Variants in B4GALT1 observed in about 807,000 individuals in gnomAD.
The protein encoded by B4GALT1 is beta-1,4-galactosyltransferase 1.
A neutral mutation model predicts 34.9 loss-of-function variants in B4GALT1; 16 were observed. The ratio of observed to expected loss-of-function variants is 0.46; its 90% CI spans 0.31 to 0.70. The LOEUF is 0.70. B4GALT1 is among the 30% of genes least tolerant of loss of function. The pLI is 0.05. For synonymous variants in B4GALT1, 221 were observed against 218.1 expected, an observed-to-expected ratio of 1.01 and a Z score of -0.12; for missense variants, 445 against 530.5, an observed-to-expected ratio of 0.84 and a Z score of 1.58.
At chr9:33,127,853 G>C (rs948911244) in intron 2 of B4GALT1, among the ~76,000 whole-genome samples, 1 of 152,250 alleles carries the variant, frequency 6.6e-6, no homozygotes, top group Non-Finnish European at 1.5e-5. Context: ...TAAACTCTCA[G>C]ACCCTGTATG....
chr9:33,163,323 G>A (rs1018340487), intron 1 of B4GALT1, among the ~76,000 whole-genome samples: 11 of 152,198 alleles, frequency 7.2e-5, no homozygotes, highest in Admixed American at 5.2e-4. Flanking sequence ...AGTGCTCCTC[G>A]GGTGCCCTGG....
At chr9:33,150,434 T>C (rs1042807179) in intron 1 of B4GALT1, among the ~76,000 whole-genome samples, 106 of 150,074 alleles carry the variant, frequency 7.1e-4, no homozygotes, top group African/African-American at 2.5e-3. Context: ...CAGAACTGGA[T>C]GAAAAACATA....
chr9:33,166,242 G>A (rs1230621123), intron 1 of B4GALT1, among the ~76,000 whole-genome samples: 3 of 152,136 alleles, frequency 2.0e-5, no homozygotes, highest in Non-Finnish European at 4.4e-5. Context: ...GAAATATGAG[G>A]TTCAGAGAGA....
intron 2 of B4GALT1, among the ~76,000 whole-genome samples, chr9:33,126,627 C>CATTGTTAACATTGTTAACT (rs753055614): frequency 1.2e-4 from 18 of 152,298 alleles, no homozygotes; most frequent in Admixed American, 7.2e-4. Context: ...CATAGTTAAC[C>CATTGTTAACATTGTTAACT]ATTGTTAACA....
At chr9:33,140,952 A>G (rs1212050679) in intron 1 of B4GALT1, among the ~76,000 whole-genome samples, 4 of 152,248 alleles carry the variant, frequency 2.6e-5, no homozygotes, top group African/African-American at 9.6e-5. Flanking sequence ...GAAGAGCACA[A>G]GCTCTCTAAG....
intron 1 of B4GALT1, among the ~76,000 whole-genome samples, chr9:33,157,004 G>C (rs916191192): frequency 6.6e-6 from 1 of 151,068 alleles, no homozygotes; most frequent in Non-Finnish European, 1.5e-5. Context: ...ACTGCTCTGA[G>C]GCAATCACAG....
intron 1 of B4GALT1, among the ~76,000 whole-genome samples, chr9:33,161,222 C>G (rs150258279): frequency 7.2e-5 from 11 of 152,142 alleles, no homozygotes; most frequent in African/African-American, 2.2e-4. Flanking sequence ...GAGGCCAAGC[C>G]GCAAAGTGGA....
At chr9:33,106,309 C>T (rs116378731), downstream of B4GALT1, among the ~76,000 whole-genome samples, 761 of 152,264 alleles carry the variant, frequency 5.0e-3, 10 homozygotes, top group African/African-American at 0.017. Flanking sequence ...GGACAGATGG[C>T]CCAGCTGAAA....
intron 1 of B4GALT1, 77 bp from the exon 2 acceptor site, chr9:33,135,501 G>GGATGCA: frequency 2.1e-6 from 3 of 1,405,276 alleles, no homozygotes; most frequent in Non-Finnish European, 3.0e-6. Context: ...CAGATGGCCA[G>GGATGCA]GCTGCAGCTG....
intron 2 of B4GALT1, among the ~76,000 whole-genome samples, chr9:33,126,664 T>TTGTTAACTATCGTTAACCATAGTTCACC (rs1158001058): frequency 3.2e-5 from 1 of 31,220 alleles, no homozygotes; most frequent in Non-Finnish European, 1.0e-4. Context: ...ACCATAGCAA[T>TTGTTAACTATCGTTAACCATAGTTCACC]ATGGTAGCTC....
intron 1 of B4GALT1, among the ~76,000 whole-genome samples, chr9:33,144,098 A>G (rs1840391377): frequency 6.6e-6 from 1 of 152,190 alleles, no homozygotes; most frequent in African/African-American, 2.4e-5. Context: ...TTGCCAGGCA[A>G]GTCTCAAGCT....
chr9:33,175,916 G>A, the B4GALT1 span, among the ~76,000 whole-genome samples: 14 of 152,094 alleles, frequency 9.2e-5, no homozygotes, highest in Non-Finnish European at 1.6e-4. Flanking sequence ...TACTAAACTC[G>A]CAACTTTTAC....
the B4GALT1 span, among the ~76,000 whole-genome samples, chr9:33,178,167 T>G: frequency 6.6e-6 from 1 of 152,020 alleles, no homozygotes; most frequent in African/African-American, 2.4e-5. Flanking sequence ...AATTTTTGTA[T>G]TTTTAGTAGA....
At chr9:33,105,880 GTTTTTTTTTTT>G (rs35330697), downstream of B4GALT1, among the ~76,000 whole-genome samples, 3 of 85,732 alleles carry the variant, frequency 3.5e-5, no homozygotes, top group South Asian at 4.7e-4. Context: ...GGACTCGTGG[GTTTTTTTTTTT>G]TTTTTTTTTT....
chr9:33,118,296 T>C (rs1007231126), intron 3 of B4GALT1, among the ~76,000 whole-genome samples: 9 of 152,190 alleles, frequency 5.9e-5, no homozygotes, highest in Admixed American at 6.5e-5. Context: ...TATATTCCCA[T>C]CACAGCTCTC....
At chr9:33,158,442 C>T (rs180992434) in intron 1 of B4GALT1, among the ~76,000 whole-genome samples, 4 of 152,280 alleles carry the variant, frequency 2.6e-5, no homozygotes, top group Non-Finnish European at 5.9e-5. Flanking sequence ...CAAACTGCAC[C>T]ACCTTCTCTT....
At chr9:33,129,849 G>T (rs1840167594) in intron 2 of B4GALT1, among the ~76,000 whole-genome samples, 1 of 152,148 alleles carries the variant, frequency 6.6e-6, no homozygotes, top group Non-Finnish European at 1.5e-5. Context: ...ACAGAGGGGA[G>T]AACAGAGGTG....
chr9:33,107,209 C>G (rs182791595), downstream of B4GALT1, among the ~76,000 whole-genome samples: 2 of 152,328 alleles, frequency 1.3e-5, no homozygotes, highest in Non-Finnish European at 2.9e-5. Context: ...CTGCCAAAGA[C>G]GGAAATGAGG....
the B4GALT1 span, among the ~76,000 whole-genome samples, chr9:33,173,854 CAG>C: frequency 1.3e-5 from 2 of 151,910 alleles, no homozygotes; most frequent in South Asian, 2.1e-4. Flanking sequence ...CAAAAAGACA[CAG>C]AAATCAGTTT....
Sources: allele counts gnomAD v4.1 joint callset (sites outside exome capture counted in the v4.1 genomes callset), GRCh38; gene constraint gnomAD v4.1.1; transcripts MANE v1.5; gene names NCBI Gene and HGNC (gene_info 2026-07-23, HGNC 2026-07-21).